Variants in GRIK2 observed in about 807,000 individuals in gnomAD.
GRIK2 encodes glutamate receptor ionotropic, kainate 2.
In GRIK2, 32 loss-of-function variants were observed where a neutral mutation model predicts 100.3. That is an observed-to-expected ratio of 0.32 (90% CI 0.24 to 0.43). The LOEUF (loss-of-function observed/expected upper bound fraction) is 0.43. Among genes scored for constraint, GRIK2 ranks in the 20% least tolerant of loss-of-function variants. The pLI, the probability that GRIK2 is intolerant of heterozygous loss-of-function variation, is 1.00. For missense variants in GRIK2, 843 were observed against 1,114.9 expected, an observed-to-expected ratio of 0.76 and a Z score of 3.47; for synonymous variants, 417 against 389.4, an observed-to-expected ratio of 1.07 and a Z score of -0.83.
chr6:101,710,388 C>T (rs1389301759), intron 7 of GRIK2, among the ~76,000 whole-genome samples: 2 of 151,760 alleles, frequency 1.3e-5, no homozygotes, highest in Non-Finnish European at 2.9e-5. Flanking sequence ...TGAAGTATAC[C>T]TCAAAAGGTG....
chr6:101,641,721 A>C (rs1269129858), intron 4 of GRIK2, among the ~76,000 whole-genome samples: 1 of 151,998 alleles, frequency 6.6e-6, no homozygotes, highest in East Asian at 1.9e-4. Flanking sequence ...GGGTTTCCAA[A>C]CATTGTCCAG....
At chr6:101,793,316 G>GT (rs201787165) in intron 7 of GRIK2, among the ~76,000 whole-genome samples, 3,967 of 152,170 alleles carry the variant, frequency 0.026, 163 homozygotes, top group African/African-American at 0.091. Context: ...TTTCTGCTCT[G>GT]TTTTTTCCCC....
intron 2 of GRIK2, among the ~76,000 whole-genome samples, chr6:101,409,736 G>A (rs2128237633): frequency 6.6e-6 from 1 of 152,098 alleles, no homozygotes; most frequent in South Asian, 2.1e-4. Flanking sequence ...AATAGATAAT[G>A]TTGGATTTAA....
rs888690039 is a variant in GRIK2, at chr6:101,673,627, T to G, written c.542-2996T>G. Among the ~76,000 whole-genome samples the G allele has an allele frequency of 5.3e-5, 8 of 152,178 alleles. 1 individual carries two copies. The highest frequency in any genetic ancestry group is 6.3e-3 in the Middle Eastern group (2 of 316). On this transcript the variant is annotated intron_variant, in intron 4 of 16. Transcript: ENST00000369134. Reference sequence around the variant, plus strand: ...CTTCTATATGCATTCCTTTGACTCTTTCTCTTTTTATTCATGTATTAACTT... The same window carrying G: ...CTTCTATATGCATTCCTTTGACTCTGTCTCTTTTTATTCATGTATTAACTT...
At chr6:101,823,241 CAT>C (rs1234457008) in intron 10 of GRIK2, among the ~76,000 whole-genome samples, 2 of 152,150 alleles carry the variant, frequency 1.3e-5, no homozygotes, top group African/African-American at 2.4e-5. Flanking sequence ...AATGTTTACA[CAT>C]GTTTTTACTC....
chr6:101,825,015 C>T (rs1346400112), intron 10 of GRIK2, among the ~76,000 whole-genome samples: 1 of 152,156 alleles, frequency 6.6e-6, no homozygotes, highest in Non-Finnish European at 1.5e-5. Flanking sequence ...AATAAGTTTT[C>T]CCTCTGATTC....
chr6:101,613,465 C>T (rs1200974064), intron 2 of GRIK2, among the ~76,000 whole-genome samples: 1 of 151,672 alleles, frequency 6.6e-6, no homozygotes, highest in Non-Finnish European at 1.5e-5. Flanking sequence ...TTAATAATAA[C>T]AGTTGATGAT....
chr6:101,460,100 G>A (rs1449355870), intron 2 of GRIK2, among the ~76,000 whole-genome samples: 1 of 152,124 alleles, frequency 6.6e-6, no homozygotes, highest in Non-Finnish European at 1.5e-5. Flanking sequence ...TTCTGCCTCT[G>A]CTTCTCCTGT....
chr6:101,693,706 T>C (rs10457102), intron 7 of GRIK2, among the ~76,000 whole-genome samples: 121,314 of 151,774 alleles, frequency 0.8, 50,740 homozygotes, highest in South Asian at 0.94. Context: ...GATAGATATA[T>C]ACATATAACA....
chr6:101,436,410 A>G (rs534960258), intron 2 of GRIK2, among the ~76,000 whole-genome samples: 1 of 152,030 alleles, frequency 6.6e-6, no homozygotes, highest in African/African-American at 2.4e-5. Flanking sequence ...TGTTAAAAAA[A>G]TTTTTTTAGC....
chr6:101,878,604 C>T (rs951120612), intron 11 of GRIK2, among the ~76,000 whole-genome samples: 2 of 151,964 alleles, frequency 1.3e-5, no homozygotes, highest in Admixed American at 1.3e-4. Flanking sequence ...TTAACTCTCT[C>T]TGTATTTTTA....
chr6:101,412,922 T>A (rs564823571), intron 2 of GRIK2, among the ~76,000 whole-genome samples: 16 of 152,144 alleles, frequency 1.1e-4, no homozygotes, highest in African/African-American at 3.4e-4. Flanking sequence ...TTTCTTTAGG[T>A]AAGAGTCTGA....
At chr6:101,589,628 G>A (rs1324825406) in intron 2 of GRIK2, among the ~76,000 whole-genome samples, 1 of 152,032 alleles carries the variant, frequency 6.6e-6, no homozygotes, top group East Asian at 1.9e-4. Flanking sequence ...AGTTTTAATG[G>A]TTATTAAATT....
At chr6:101,686,628 C>A (rs1771720935) in intron 7 of GRIK2, among the ~76,000 whole-genome samples, 2 of 152,114 alleles carry the variant, frequency 1.3e-5, no homozygotes, top group Admixed American at 1.3e-4. Context: ...AATTAGTGCC[C>A]TACATGGGAG....
At chr6:101,398,055 A>G (rs1775085109) in intron 1 of GRIK2, among the ~76,000 whole-genome samples, 2 of 152,128 alleles carry the variant, frequency 1.3e-5, no homozygotes, top group South Asian at 4.1e-4. Flanking sequence ...GAGAGTCACT[A>G]CCTAGTGACT....
intron 7 of GRIK2, among the ~76,000 whole-genome samples, chr6:101,775,866 C>G (rs767114967): frequency 1.3e-4 from 20 of 151,752 alleles, no homozygotes; most frequent in Non-Finnish European, 2.4e-4. Flanking sequence ...CTTTGCCACC[C>G]AGGCTGGAGT....
In GRIK2 at chr6:101,559,215, C is replaced by G. The variant is rs114671921; in HGVS notation, c.116-62734C>G. Among the ~76,000 whole-genome samples, 1,039 of 151,574 alleles carry G rather than the reference C, an allele frequency of 6.9e-3. 16 individuals carry two copies. Among genetic ancestry groups the G allele is most frequent in the African/African-American group, 0.024 (991 of 41,360 alleles). On this transcript the variant is annotated intron_variant, in intron 2 of 16. Transcript: ENST00000369134. ...CCTCTTCTCCAGTTTTTTTTTATAC[C>G]AGAGTTAAAATATAGTTTAAGTAAA...
intron 2 of GRIK2, among the ~76,000 whole-genome samples, chr6:101,483,612 T>C (rs1335172881): frequency 2.0e-5 from 3 of 152,228 alleles, no homozygotes; most frequent in East Asian, 1.9e-4. Flanking sequence ...TCTTGCTCTG[T>C]TGCCTAGGCT....
At chr6:101,736,815 C>T (rs1395483253) in intron 7 of GRIK2, among the ~76,000 whole-genome samples, 1 of 152,106 alleles carries the variant, frequency 6.6e-6, no homozygotes, top group Non-Finnish European at 1.5e-5. Context: ...TGAATTTATG[C>T]TCAGAATATG....
Sources: allele counts gnomAD v4.1 joint callset (sites outside exome capture counted in the v4.1 genomes callset), GRCh38; gene constraint gnomAD v4.1.1; transcripts MANE v1.5; gene names NCBI Gene and HGNC (gene_info 2026-07-23, HGNC 2026-07-21).